Variants in ACACA observed in about 807,000 individuals in gnomAD.
The protein encoded by ACACA is acetyl-CoA carboxylase alpha.
ACACA carries 103 observed loss-of-function variants against 296.1 expected under a neutral mutation model. That is an observed-to-expected ratio of 0.35 (90% confidence interval 0.30 to 0.41). The LOEUF (loss-of-function observed/expected upper bound fraction) is 0.41, where lower values mean the gene tolerates loss of function less well. Ranked by LOEUF, ACACA falls within the 10% of genes least tolerant of loss-of-function variation. ACACA has a pLI of 1.00. For missense variants in ACACA, 1,554 were observed against 2,989.7 expected (o/e 0.52, Z 11.20); for synonymous variants, 953 against 1,038.6 (o/e 0.92, Z 1.58).
At chr17:37,129,763 G>C (rs1014739683) in intron 46 of ACACA, among the ~76,000 whole-genome samples, 2 of 152,132 alleles carry the variant, frequency 1.3e-5, no homozygotes, top group African/African-American at 4.8e-5. Flanking sequence ...GGAATGAATG[G>C]CTATTACAGA....
At chr17:37,243,702 T>C in intron 21 of ACACA, 143 bp from the exon 22 acceptor site, 3 of 811,718 alleles carry the variant, frequency 3.7e-6, no homozygotes, top group South Asian at 3.0e-5. Flanking sequence ...ACTTGAGCCC[T>C]ACGGAACCCA....
At chr17:37,261,597 C>T (rs2081517269) in intron 11 of ACACA, among the ~76,000 whole-genome samples, 1 of 152,220 alleles carries the variant, frequency 6.6e-6, no homozygotes, top group South Asian at 2.1e-4. Context: ...GCCCAACTCA[C>T]AGAGAAAACT....
intron 8 of ACACA, chr17:37,274,525 C>T (rs2146450277): frequency 2.4e-6 from 2 of 816,386 alleles, no homozygotes; most frequent in South Asian, 1.1e-4. Context: ...GCCGAACTAA[C>T]AGGGAGCAAC....
chr17:37,183,441 G>A (rs2077399588), intron 39 of ACACA, among the ~76,000 whole-genome samples: 1 of 152,254 alleles, frequency 6.6e-6, no homozygotes, highest in Non-Finnish European at 1.5e-5. Flanking sequence ...ATTTGTAAAT[G>A]AATGTTCACA....
At chr17:37,294,914 T>C (rs929282377) in intron 3 of ACACA, among the ~76,000 whole-genome samples, 1 of 152,184 alleles carries the variant, frequency 6.6e-6, no homozygotes, top group African/African-American at 2.4e-5. Context: ...ACTATGAGGT[T>C]TCCTTTTGTC....
intron 1 of ACACA, among the ~76,000 whole-genome samples, chr17:37,364,606 GAAAA>G (rs764514984): frequency 9.0e-6 from 1 of 111,638 alleles, no homozygotes; most frequent in East Asian, 2.5e-4. Context: ...AAAAAAAAAA[GAAAA>G]AGAAAAGAAA....
At chr17:37,321,770 T>TAAA in intron 3 of ACACA, among the ~76,000 whole-genome samples, 1 of 147,570 alleles carries the variant, frequency 6.8e-6, no homozygotes, top group African/African-American at 2.5e-5. Context: ...AAATAAATAA[T>TAAA]TAAAAAAAAA....
At chr17:37,345,814 T>A (rs2048587419) in intron 1 of ACACA, among the ~76,000 whole-genome samples, 1 of 152,126 alleles carries the variant, frequency 6.6e-6, no homozygotes, top group Non-Finnish European at 1.5e-5. Flanking sequence ...ATGGAAAGAC[T>A]AAGAAACTAT....
rs12952140 is a variant in ACACA, at chr17:37,390,293, A to G, written c.38+15969T>C. Reference sequence around the variant, plus strand: ...TATAATATATTATATATAATTATATATTATACATAATTATATATATATATA... The same window carrying G: ...TATAATATATTATATATAATTATATGTTATACATAATTATATATATATATA... On this transcript the variant is annotated intron_variant, in intron 1 of 55. Transcript: ENST00000616317. Among the ~76,000 whole-genome samples the G allele has an allele frequency of 1.7e-3, 61 of 35,884 alleles. 1 individual carries two copies. Among genetic ancestry groups the G allele is most frequent in the African/African-American group, 8.8e-3 (55 of 6,234 alleles). The allele number at this position is 35,884 out of a possible 152,430, so 23.5% of individuals were successfully genotyped here. A position where few individuals can be genotyped will look rare whatever the true frequency, so the allele number is the denominator to read the frequency against.
At chr17:37,151,502 G>A (rs1380240922) in intron 43 of ACACA, 81 bp from the exon 44 acceptor site, 2 of 1,557,228 alleles carry the variant, frequency 1.3e-6, no homozygotes, top group African/African-American at 1.4e-5. Flanking sequence ...CCAATAAAAG[G>A]CGGCTAAAAG....
At chr17:37,342,085 T>C (rs2147345908) in intron 1 of ACACA, among the ~76,000 whole-genome samples, 1 of 152,132 alleles carries the variant, frequency 6.6e-6, no homozygotes, top group Non-Finnish European at 1.5e-5. Flanking sequence ...ATAAAATTGT[T>C]GACAATGCCA....
chr17:37,124,990 C>A (rs11650327), intron 48 of ACACA, among the ~76,000 whole-genome samples: 33,161 of 152,056 alleles, frequency 0.22, 4,181 homozygotes, highest in Admixed American at 0.34. Flanking sequence ...AGATGCGGTC[C>A]CTCAGCAGCA....
chr17:37,115,431 G>A (rs1429661331), intron 50 of ACACA, among the ~76,000 whole-genome samples: 1 of 151,916 alleles, frequency 6.6e-6, no homozygotes, highest in Non-Finnish European at 1.5e-5. Context: ...CATACAAAGA[G>A]AGGAAATGAA....
At chr17:37,156,226 G>A (rs988371816) in intron 42 of ACACA, among the ~76,000 whole-genome samples, 2 of 151,718 alleles carry the variant, frequency 1.3e-5, no homozygotes, top group African/African-American at 4.8e-5. Flanking sequence ...ACCTCGCCTG[G>A]CTAATTTTTT....
At chr17:37,269,763 G>GAAAAA (rs71159698) in intron 10 of ACACA, among the ~76,000 whole-genome samples, 31,757 of 128,218 alleles carry the variant, frequency 0.25, 4,328 homozygotes, top group African/African-American at 0.36. Context: ...TGTTTTAAGG[G>GAAAAA]AAAAAAAAAA....
intron 52 of ACACA, among the ~76,000 whole-genome samples, chr17:37,108,151 C>T (rs1050204373): frequency 1.3e-5 from 2 of 152,124 alleles, no homozygotes; most frequent in African/African-American, 4.8e-5. Flanking sequence ...GGGCTTTGCT[C>T]ACTTTTCTTT....
chr17:37,151,125 T>A (rs2076021346), intron 44 of ACACA, among the ~76,000 whole-genome samples, 176 bp downstream of exon 44: 1 of 152,168 alleles, frequency 6.6e-6, no homozygotes, highest in South Asian at 2.1e-4. Context: ...GTTTGAAAAA[T>A]TCAGTTATTT....
intron 1 of ACACA, among the ~76,000 whole-genome samples, chr17:37,401,561 C>CTTT (rs34680925): frequency 1.4e-5 from 2 of 138,114 alleles, no homozygotes; most frequent in Non-Finnish European, 3.1e-5. Context: ...GTCTCTTTAC[C>CTTT]TTTTTTTTTT....
intron 3 of ACACA, among the ~76,000 whole-genome samples, chr17:37,327,137 C>T (rs2047659773): frequency 6.6e-6 from 1 of 152,180 alleles, no homozygotes; most frequent in African/African-American, 2.4e-5. Context: ...TGATCCTAAA[C>T]TCAACTTAGT....
Sources: gnomAD v4.1 joint callset for allele counts (sites outside exome capture counted in the v4.1 genomes callset) on GRCh38, gnomAD v4.1.1 for gene constraint, MANE v1.5 for transcripts, NCBI Gene and HGNC (gene_info 2026-07-23, HGNC 2026-07-21) for gene names.